The following DIP2C variants were observed in gnomAD, a reference collection of about 807,000 sequenced individuals.
DIP2C encodes DIP2 acetate--CoA ligase C (putative).
DIP2C carries 33 observed loss-of-function variants against 192.4 expected under a neutral mutation model. The ratio of observed to expected loss-of-function variants is 0.17; its 90% CI spans 0.13 to 0.23. The LOEUF (loss-of-function observed/expected upper bound fraction) is 0.23. Among genes scored for constraint, DIP2C ranks in the 10% least tolerant of loss-of-function variants. The pLI, the probability that DIP2C is intolerant of heterozygous loss-of-function variation, is 1.00. For missense variants in DIP2C, 1,537 were observed against 2,110.1 expected, an observed-to-expected ratio of 0.73 and a Z score of 5.32; for synonymous variants, 979 against 864.1, an observed-to-expected ratio of 1.13 and a Z score of -2.33.
intron 32 of DIP2C, among the ~76,000 whole-genome samples, chr10:297,638 T>A (rs927726208): frequency 6.6e-6 from 1 of 152,088 alleles, no homozygotes; most frequent in Non-Finnish European, 1.5e-5. Flanking sequence ...TTCATAGAAA[T>A]ACAAAGTAGA....
chr10:656,696 A>AG (rs1405655785), intron 1 of DIP2C, among the ~76,000 whole-genome samples: 1 of 152,166 alleles, frequency 6.6e-6, no homozygotes, highest in Non-Finnish European at 1.5e-5. Flanking sequence ...GCATCCACAC[A>AG]GGCTCACCTG....
chr10:420,567 G>A (rs1250347985), intron 5 of DIP2C, among the ~76,000 whole-genome samples: 7 of 152,222 alleles, frequency 4.6e-5, no homozygotes, highest in Non-Finnish European at 1.0e-4. Context: ...TCTCAGCTCC[G>A]AGGTGTGAAA....
At chr10:280,617 C>G (rs1320870680) in intron 36 of DIP2C, among the ~76,000 whole-genome samples, 1 of 152,238 alleles carries the variant, frequency 6.6e-6, no homozygotes, top group Non-Finnish European at 1.5e-5. Context: ...CACTTCACAA[C>G]AGATTAAATG....
intron 4 of DIP2C, among the ~76,000 whole-genome samples, chr10:427,295 G>A (rs1326903538): frequency 6.6e-6 from 1 of 152,180 alleles, no homozygotes; most frequent in Non-Finnish European, 1.5e-5. Flanking sequence ...TCTCTTGTAA[G>A]GACGTTCTTG....
In DIP2C at chr10:327,068, G is replaced by A. The variant is rs1002628375; in HGVS notation, c.3862C>T (p.Leu1288Phe). ...SFSKLFKDLG[L>F]HPRAVSTSFG... ...GAGGTGCTGACGGCCCGCGGGTGAA[G>A]GCCCAGGTCCTTAAACAGCTTTGAG... Residue 1288 changes from leucine (L) to phenylalanine (F), a missense_variant, in exon 31 of 37, where the codon CTT (leucine) becomes TTT (phenylalanine). By Grantham distance (22) the Leu-to-Phe change is conservative (BLOSUM62 0). This residue lies in a region of DIP2C where 341 missense variants were observed against 551.7 expected (regional missense o/e 0.62). Transcript: ENST00000280886. The A allele has an allele frequency of 7.4e-6, 12 of 1,614,078 alleles. No homozygotes were observed. Among genetic ancestry groups the A allele is most frequent in the Non-Finnish European group, 1.0e-5 (12 of 1,180,046 alleles).
chr10:367,395 C>A (rs948798743), intron 18 of DIP2C, among the ~76,000 whole-genome samples: 1 of 147,584 alleles, frequency 6.8e-6, no homozygotes, highest in South Asian at 2.2e-4. Context: ...CCAGCCTGGG[C>A]GACAGCGAGA....
chr10:497,723 C>A (rs1187388070), intron 1 of DIP2C, among the ~76,000 whole-genome samples: 3 of 152,210 alleles, frequency 2.0e-5, no homozygotes, highest in Non-Finnish European at 4.4e-5. Flanking sequence ...GTTAGGGCAC[C>A]TGGCTAGTTC....
At chr10:634,199 G>A (rs1014857300) in intron 1 of DIP2C, among the ~76,000 whole-genome samples, 19 of 152,350 alleles carry the variant, frequency 1.2e-4, no homozygotes, top group East Asian at 1.9e-4. Flanking sequence ...GGGGCTCAGC[G>A]TCAACGCTGT....
chr10:378,241 A>G (rs1564634908), intron 17 of DIP2C, among the ~76,000 whole-genome samples: 1 of 152,380 alleles, frequency 6.6e-6, no homozygotes, highest in African/African-American at 2.4e-5. Context: ...TTAAATGCCT[A>G]GGTGAAAATA....
intron 1 of DIP2C, among the ~76,000 whole-genome samples, chr10:518,945 G>A (rs1034685257): frequency 6.6e-6 from 1 of 152,244 alleles, no homozygotes; most frequent in Non-Finnish European, 1.5e-5. Flanking sequence ...CTTCCATGGT[G>A]GCCGTGTCAA....
chr10:480,182 G>A lies in DIP2C; in HGVS notation c.157+6277C>T, dbSNP rs148780174. ...AGTCTCACCCGCCAGCCTGAGCCCC[G>A]GTCCATGCTCACTGGATGAGGGTCT... On this transcript the variant is annotated intron_variant, in intron 2 of 36. Transcript: ENST00000280886. Among the ~76,000 whole-genome samples the A allele has an allele frequency of 3.6e-3, 507 of 142,122 alleles. 2 individuals carry two copies. Among genetic ancestry groups the A allele is most frequent in the African/African-American group, 0.013 (480 of 37,480 alleles). 93.2% of individuals were successfully genotyped at this position (142,122 alleles called of 152,430 possible).
intron 1 of DIP2C, among the ~76,000 whole-genome samples, chr10:533,354 G>C (rs1847522822): frequency 6.6e-6 from 1 of 152,114 alleles, no homozygotes; most frequent in African/African-American, 2.4e-5. Flanking sequence ...TCCACAGGCA[G>C]GTGCTCAGGG....
chr10:416,000 C>G (rs1235855251), intron 6 of DIP2C, 112 bp from the exon 7 acceptor site: 3 of 1,506,828 alleles, frequency 2.0e-6, no homozygotes, highest in African/African-American at 2.8e-5. Context: ...CAGGCTGCAT[C>G]CTAGATGCGA....
intron 1 of DIP2C, among the ~76,000 whole-genome samples, chr10:544,014 T>C (rs1230322959): frequency 6.6e-6 from 1 of 152,234 alleles, no homozygotes; most frequent in Non-Finnish European, 1.5e-5. Flanking sequence ...GTGCGTGACC[T>C]TTGACGTGAC....
intron 18 of DIP2C, among the ~76,000 whole-genome samples, chr10:367,994 G>T (rs6560831): frequency 0.78 from 35,496 of 45,764 alleles, 13,746 homozygotes; most frequent in Non-Finnish European, 0.85. Flanking sequence ...GAAGCCCGCG[G>T]TTGCTCTCAC....
chr10:406,505 T>C (rs947441583), intron 9 of DIP2C, among the ~76,000 whole-genome samples: 4 of 152,234 alleles, frequency 2.6e-5, no homozygotes, highest in Admixed American at 2.6e-4. Context: ...GAGGAAATTA[T>C]GACACTGAAA....
intron 7 of DIP2C, among the ~76,000 whole-genome samples, chr10:414,737 G>GTATATATATATATATATATATATATAA (rs1213629573): frequency 3.6e-5 from 2 of 55,780 alleles, no homozygotes; most frequent in African/African-American, 1.1e-4. Context: ...GTGTGTGTGT[G>GTATATATATATATATATATATATATAA]TGTACATATA....
At chr10:442,927 AG>A (rs1967865215) in intron 3 of DIP2C, among the ~76,000 whole-genome samples, 1 of 152,174 alleles carries the variant, frequency 6.6e-6, no homozygotes, top group African/African-American at 2.4e-5. Context: ...CGTGAATCCA[AG>A]TTTCTCAGCT....
rs1285845571 is a variant in DIP2C, at chr10:689,439, C to T, written c.85+55G>A. 36 of 1,021,930 alleles carry T rather than the reference C, an allele frequency of 3.5e-5. No homozygotes were observed. Among genetic ancestry groups the T allele is most frequent in the Middle Eastern group, 4.6e-4 (1 of 2,180 alleles). 63.3% of individuals were successfully genotyped at this position (1,021,930 alleles called of 1,614,324 possible). ...CAGGCCCCGCGCCCCCAGCCCTCCG[C>T]GCGCGGCCCTCCCCGGTGACAGCGC... On this transcript the variant is annotated intron_variant, in intron 1 of 36. Coordinates refer to ENST00000280886, the MANE Select transcript of DIP2C (RefSeq NM_014974.3). The surrounding 1 kb of genome is among the most constrained non-coding windows in gnomAD (Gnocchi z 6.1).
Sources: allele counts gnomAD v4.1 joint callset (sites outside exome capture counted in the v4.1 genomes callset), GRCh38; gene constraint gnomAD v4.1.1; regional missense constraint gnomAD v4.1.1; non-coding constraint Gnocchi (gnomAD v3.1); transcripts MANE v1.5; gene names NCBI Gene and HGNC (gene_info 2026-07-23, HGNC 2026-07-21).